RAB40C: variants seen among roughly 807,000 people sequenced by gnomAD.
RAB40C encodes RAB40C, member RAS oncogene family.
Under a neutral mutation model 28.1 loss-of-function variants are expected in RAB40C, and 8 were observed. The observed-to-expected ratio is 0.28, with a 90% confidence interval of 0.17 to 0.51. RAB40C has a LOEUF of 0.51. RAB40C is among the 20% of genes least tolerant of loss of function. RAB40C has a pLI of 0.97. For missense variants in RAB40C, 288 were observed against 405.9 expected, an observed-to-expected ratio of 0.71 and a Z score of 2.50; for synonymous variants, 201 against 171.7, an observed-to-expected ratio of 1.17 and a Z score of -1.34.
At position 596,598 on chromosome 16, in the gene RAB40C, G is replaced by A. The variant is rs748003432; in HGVS notation, c.142+6165G>A. 2.8e-5 allele frequency: 9 copies of A among 318,794 alleles called. No individual in the cohort carries two copies. In the East Asian group the frequency reaches 2.9e-4, roughly 10 times the overall value. The allele number at this position is 318,794 out of a possible 1,614,324, so 19.7% of individuals were successfully genotyped here. ...CGCTGCCGAACCACTGTGAGAAGGCGGGGAGACTGCTTGTCAGGCTGAGCT... is the reference window on the plus strand; with the variant it reads ...CGCTGCCGAACCACTGTGAGAAGGCAGGGAGACTGCTTGTCAGGCTGAGCT... On this transcript the variant is annotated intron_variant, in intron 1 of 5. Coordinates refer to ENST00000248139, the MANE Select transcript of RAB40C (RefSeq NM_021168.5).
intron 1 of RAB40C, among the ~76,000 whole-genome samples, chr16:616,053 C>T (rs1294842269): frequency 1.3e-5 from 2 of 151,952 alleles, no homozygotes; most frequent in African/African-American, 2.4e-5. Flanking sequence ...GTCAGGAGAT[C>T]GAGACCATCC....
In RAB40C at chr16:627,802, G is replaced by T. The variant is rs2036873683; in HGVS notation, c.*180G>T. The T allele has an allele frequency of 2.8e-6, 2 of 708,500 alleles. No individual in the cohort carries two copies. The highest frequency in any genetic ancestry group is 6.9e-5 in the South Asian group (2 of 28,992). The allele number at this position is 708,500 out of a possible 1,614,324, so 43.9% of individuals were successfully genotyped here. ...GAGCATGCACGGACCAAGCGCGGCAGGCGGGAGGAGGGGGCGCGGCTGGGC... is the reference window on the plus strand; with the variant it reads ...GAGCATGCACGGACCAAGCGCGGCATGCGGGAGGAGGGGGCGCGGCTGGGC... On this transcript the variant is annotated 3_prime_UTR_variant, in exon 6 of 6. Transcript: ENST00000248139.
intron 1 of RAB40C, among the ~76,000 whole-genome samples, chr16:609,873 G>A (rs58060434): frequency 1.1e-4 from 16 of 152,174 alleles, no homozygotes; most frequent in Non-Finnish European, 1.5e-4. Flanking sequence ...GTGCCTGGAG[G>A]GGGGAGCTGA....
chr16:617,059 T>C (rs748090502), intron 1 of RAB40C, 149 bp from the exon 2 acceptor site: 64 of 808,384 alleles, frequency 7.9e-5, no homozygotes, highest in Admixed American at 1.3e-4. Context: ...GCCCCGAGAT[T>C]TCCCCCTGCC....
intron 3 of RAB40C, among the ~76,000 whole-genome samples, chr16:619,041 C>T: frequency 8.8e-6 from 1 of 113,286 alleles, no homozygotes; most frequent in African/African-American, 3.6e-5. Flanking sequence ...GTACTTGGAG[C>T]TGTGTGTGTG....
intron 3 of RAB40C, 76 bp from the exon 4 acceptor site, chr16:625,356 T>G: frequency 5.1e-6 from 8 of 1,566,314 alleles, no homozygotes; most frequent in Admixed American, 1.7e-5. Context: ...CTGAGGCCCC[T>G]GCACCTGAGC....
intron 3 of RAB40C, among the ~76,000 whole-genome samples, chr16:620,924 G>T (rs2036703556): frequency 6.6e-6 from 1 of 152,290 alleles, no homozygotes; most frequent in South Asian, 2.1e-4. Context: ...CTGTTCAGCT[G>T]CATGAGAACT....
chr16:609,026 G>C (rs2036425292), intron 1 of RAB40C, among the ~76,000 whole-genome samples: 1 of 152,176 alleles, frequency 6.6e-6, no homozygotes, highest in Non-Finnish European at 1.5e-5. Flanking sequence ...GAGCTATGAG[G>C]AGCACGTGAG....
intron 1 of RAB40C, among the ~76,000 whole-genome samples, chr16:614,840 A>C (rs1178114086): frequency 6.6e-6 from 1 of 151,744 alleles, no homozygotes; most frequent in Non-Finnish European, 1.5e-5. Flanking sequence ...CCCAGTGGTG[A>C]ACTGCTAACT....
intron 1 of RAB40C, among the ~76,000 whole-genome samples, chr16:607,746 G>A (rs576913469): frequency 5.9e-5 from 9 of 152,266 alleles, no homozygotes; most frequent in East Asian, 5.8e-4. Context: ...AGCCGAGATC[G>A]CGCCACTGCA....
chr16:592,600 G>A (rs1430468432), intron 1 of RAB40C, among the ~76,000 whole-genome samples: 1 of 152,256 alleles, frequency 6.6e-6, no homozygotes, highest in African/African-American at 2.4e-5. Flanking sequence ...TCAGGTGGTG[G>A]GCGGCCAAGT....
intron 1 of RAB40C, 66 bp from the exon 2 acceptor site, chr16:617,142 G>A (rs1179286802): frequency 7.7e-6 from 12 of 1,562,720 alleles, no homozygotes; most frequent in African/African-American, 1.4e-5. Flanking sequence ...CAGTGGCCGA[G>A]GCTGGTCTCG....
chr16:620,427 C>G (rs940792943), intron 3 of RAB40C, among the ~76,000 whole-genome samples: 4 of 152,218 alleles, frequency 2.6e-5, no homozygotes, highest in African/African-American at 9.6e-5. Flanking sequence ...TGATTTACAT[C>G]TACAAAAATG....
intron 5 of RAB40C, among the ~76,000 whole-genome samples, chr16:627,039 G>A (rs1035917985): frequency 6.6e-6 from 1 of 152,238 alleles, no homozygotes; most frequent in Non-Finnish European, 1.5e-5. Context: ...GCCAGATCAC[G>A]CAGCCCTCAC....
At chr16:603,065 G>A (rs1410163212) in intron 1 of RAB40C, among the ~76,000 whole-genome samples, 2 of 152,184 alleles carry the variant, frequency 1.3e-5, no homozygotes, top group African/African-American at 4.8e-5. Flanking sequence ...TCCTGCCTCA[G>A]CCTCCTGAGT....
intron 3 of RAB40C, among the ~76,000 whole-genome samples, chr16:618,716 C>A (rs954945887): frequency 7.5e-6 from 1 of 133,982 alleles, no homozygotes; most frequent in African/African-American, 2.9e-5. Flanking sequence ...GCACTCAGGG[C>A]CATGTGTGTG....
At position 627,374 on chromosome 16, in the gene RAB40C, A is replaced by G. The variant is rs2036860715; in HGVS notation, c.598A>G (p.Ile200Val). The change falls in exon 6 of 6, where the codon ATC (isoleucine) becomes GTC (valine). Residue 200 changes from isoleucine to valine, a missense_variant. Coordinates refer to ENST00000248139, the MANE Select transcript of RAB40C (RefSeq NM_021168.5). Reference protein sequence around the residue: ...FSLQDLCCRAIVSCTPVHLID... With the variant: ...FSLQDLCCRAVVSCTPVHLID... ...CCTGCAGGACCTCTGCTGCCGGGCC[A>G]TCGTCTCCTGCACCCCCGTGCACCT... The G allele has an allele frequency of 6.2e-7, 1 of 1,613,210 alleles. No individual in the cohort carries two copies. The highest frequency in any genetic ancestry group is 1.7e-5 in the Admixed American group (1 of 59,980).
chr16:611,690 CAA>C (rs1410659767), intron 1 of RAB40C, among the ~76,000 whole-genome samples: 1 of 118,352 alleles, frequency 8.4e-6, no homozygotes, highest in Non-Finnish European at 1.7e-5. Flanking sequence ...CCTGTAGAAT[CAA>C]GAGCAGGGAC....
chr16:613,325 C>A (rs548454562), intron 1 of RAB40C, among the ~76,000 whole-genome samples: 1 of 147,720 alleles, frequency 6.8e-6, no homozygotes, highest in Admixed American at 6.7e-5. Flanking sequence ...CAGCCGCCCT[C>A]GCCTGTAGAA....
Sources: allele counts gnomAD v4.1 joint callset (sites outside exome capture counted in the v4.1 genomes callset), GRCh38; gene constraint gnomAD v4.1.1; transcripts MANE v1.5; gene names NCBI Gene and HGNC (gene_info 2026-07-23, HGNC 2026-07-21).